The following DCTN4 variants were observed in gnomAD, a reference collection of about 807,000 sequenced individuals.
DCTN4 encodes dynactin 4 (p62).
In DCTN4, 23 loss-of-function variants were observed where a neutral mutation model predicts 62.7. That is an observed-to-expected ratio of 0.37 (90% CI 0.26 to 0.52). DCTN4 has a LOEUF of 0.52. DCTN4 is among the 20% of genes least tolerant of loss of function. The pLI is 0.92. For synonymous variants in DCTN4, 199 were observed against 202.1 expected (o/e 0.98, Z 0.13); for missense variants, 514 against 580.4 (o/e 0.89, Z 1.18).
At chr5:150,735,361 A>T (rs1760538373) in intron 4 of DCTN4, among the ~76,000 whole-genome samples, 1 of 152,212 alleles carries the variant, frequency 6.6e-6, no homozygotes. Context: ...ACCAGCATTA[A>T]AGAAAACTAG....
chr5:150,729,935 A>G (rs1020581870), intron 8 of DCTN4, among the ~76,000 whole-genome samples: 2 of 151,954 alleles, frequency 1.3e-5, no homozygotes, highest in Admixed American at 6.6e-5. Flanking sequence ...GAATCTACGT[A>G]AACTCTATAC....
chr5:150,729,456 C>T (rs1455572239), intron 8 of DCTN4, among the ~76,000 whole-genome samples: 1 of 152,048 alleles, frequency 6.6e-6, no homozygotes, highest in Non-Finnish European at 1.5e-5. Flanking sequence ...TTCATTTATA[C>T]TCTTACCCAT....
At position 150,731,049 on chromosome 5, in the gene DCTN4, G is replaced by C; in HGVS notation, c.719C>G (p.Thr240Arg). 6.4e-7 allele frequency: 1 copy of C among 1,572,586 alleles called. No individual in the cohort carries two copies. Among genetic ancestry groups the C allele is most frequent in the Non-Finnish European group, 8.7e-7 (1 of 1,144,850 alleles). The change falls in exon 7 of 13, where the codon ACA (threonine) becomes AGA (arginine). Residue 240 changes from threonine (T) to arginine (R), a missense_variant. By Grantham distance (71) the Thr-to-Arg change is moderately conservative (BLOSUM62 -1). Coordinates refer to ENST00000447998, the MANE Select transcript of DCTN4 (RefSeq NM_016221.4). Reference sequence around the variant, plus strand: ...AGAAAAACACAGAAAATTACCCTCTGTTAAATTTACTGGTCTTGTATAATA... The same window carrying C: ...AGAAAAACACAGAAAATTACCCTCTCTTAAATTTACTGGTCTTGTATAATA... ...EDYYTRPVNL[T>R]EVTTLQQRLL...
At chr5:150,723,933 A>G (rs1442823662) in intron 8 of DCTN4, among the ~76,000 whole-genome samples, 3 of 152,210 alleles carry the variant, frequency 2.0e-5, no homozygotes, top group South Asian at 4.1e-4. Flanking sequence ...AACAATTTCT[A>G]TAACTTACAT....
At position 150,708,920 on chromosome 5, in the gene DCTN4, A is replaced by G. The variant is rs1411051476; in HGVS notation, c.*2229T>C. On this transcript the variant is annotated 3_prime_UTR_variant, in exon 13 of 13. Transcript: ENST00000447998. ...ATTATGCTGATAAGCACTTCAAACA[A>G]AAGAAAAGGTCAGTAGGTGAATCAA... 6.5e-6 allele frequency: 1 copy of G among 152,814 alleles called. No homozygotes were observed. The highest frequency in any genetic ancestry group is 2.4e-5 in the African/African-American group (1 of 41,462). The allele number at this position is 152,814 out of a possible 1,614,324, so 9.5% of individuals were successfully genotyped here.
intron 4 of DCTN4, chr5:150,734,459 G>A (rs1242870566): frequency 3.3e-5 from 5 of 152,176 alleles, no homozygotes; most frequent in Non-Finnish European, 7.3e-5. Context: ...AAGCAACAGC[G>A]GGAAGAGCCC....
chr5:150,716,018 A>C (rs920817229), intron 11 of DCTN4, among the ~76,000 whole-genome samples: 43 of 151,920 alleles, frequency 2.8e-4, no homozygotes, highest in African/African-American at 1.0e-3. Flanking sequence ...GATTCTCCTG[A>C]CTCAGCCTCA....
chr5:150,722,993 C>T lies in DCTN4; in HGVS notation c.835-13G>A. On this transcript the variant is annotated splice_polypyrimidine_tract_variant and intron_variant, in intron 8 of 12. Coordinates refer to ENST00000447998, the MANE Select transcript of DCTN4 (RefSeq NM_016221.4). Reference sequence around the variant, plus strand: ...TATGTTCACATTTCTAAAAAGAAAACAAATATAACACGTATCAGAAGACAA... The same window carrying T: ...TATGTTCACATTTCTAAAAAGAAAATAAATATAACACGTATCAGAAGACAA... 1 of 1,572,870 alleles carries T rather than the reference C, an allele frequency of 6.4e-7. No homozygotes were observed. The highest frequency in any genetic ancestry group is 8.7e-7 in the Non-Finnish European group (1 of 1,144,836).
rs114190988 is a variant in DCTN4 at position 150,715,488 on chromosome 5, A to G, written c.1169+77T>C. 1,321 of 1,137,224 alleles carry G rather than the reference A, an allele frequency of 1.2e-3. 14 individuals carry two copies. In the African/African-American group the frequency reaches 0.019, roughly 17 times the overall value. 70.4% of individuals were successfully genotyped at this position (1,137,224 alleles called of 1,614,324 possible). ...AGAAAAAAGTTATTTTAAAAAATCC[A>G]GACAAGAAAACTGGATATAAGTGGG... On this transcript the variant is annotated intron_variant, in intron 12 of 12. Coordinates refer to ENST00000447998, the MANE Select transcript of DCTN4 (RefSeq NM_016221.4).
In DCTN4 at chr5:150,709,046, A is replaced by C. The variant is rs542317316; in HGVS notation, c.*2103T>G. The stretch of plus-strand genomic sequence containing the variant: ...TGGTGGTGCATACTGACTAGCATTA[A>C]AATTTTTGCACCTCATCTAATATAA... On this transcript the variant is annotated 3_prime_UTR_variant, in exon 13 of 13. Transcript: ENST00000447998. 1.3e-4 allele frequency: 20 copies of C among 152,908 alleles called. No individual in the cohort carries two copies. In the East Asian group the frequency reaches 2.6e-3, roughly 20 times the overall value. 9.5% of individuals were successfully genotyped at this position (152,908 alleles called of 1,614,324 possible). A position where few individuals can be genotyped will look rare whatever the true frequency, so the allele number is the denominator to read the frequency against.
At chr5:150,732,834 C>T (rs1760434938) in intron 5 of DCTN4, among the ~76,000 whole-genome samples, 2 of 152,184 alleles carry the variant, frequency 1.3e-5, no homozygotes, top group African/African-American at 4.8e-5. Flanking sequence ...GAATGACTCT[C>T]ATAAATAATT....
At chr5:150,753,338 T>TATGGGAAC in intron 3 of DCTN4, 141 bp downstream of exon 3, 1 of 661,868 alleles carries the variant, frequency 1.5e-6, no homozygotes, top group Non-Finnish European at 2.5e-6. Flanking sequence ...AATGTGAACA[T>TATGGGAAC]ATGGGAACAC....
At position 150,748,600 on chromosome 5, in the gene DCTN4, T is replaced by C. The variant is rs1488119714; in HGVS notation, c.385+4879A>G. Among the ~76,000 whole-genome samples the C allele has an allele frequency of 7.2e-4, 108 of 150,714 alleles. No homozygotes were observed. The East Asian group carries it at 0.02, about 28-fold the overall frequency. ...GGCACATATACACCATGGAATACTA[T>C]GCAGCCACAAAAAATGATGAGTTCA... On this transcript the variant is annotated intron_variant, in intron 3 of 12. Coordinates refer to ENST00000447998, the MANE Select transcript of DCTN4 (RefSeq NM_016221.4).
At chr5:150,721,902 G>A (rs993233821) in intron 9 of DCTN4, among the ~76,000 whole-genome samples, 1 of 152,150 alleles carries the variant, frequency 6.6e-6, no homozygotes, top group Non-Finnish European at 1.5e-5. Context: ...ATAGCTTACT[G>A]CAGCCTTGAC....
intron 12 of DCTN4, among the ~76,000 whole-genome samples, chr5:150,711,930 C>T (rs1001618332): frequency 3.3e-5 from 5 of 152,058 alleles, no homozygotes; most frequent in South Asian, 2.1e-4. Context: ...CACCTTTTGA[C>T]GCTGGTATAT....
intron 8 of DCTN4, among the ~76,000 whole-genome samples, chr5:150,728,585 A>G (rs142896516): frequency 7.2e-5 from 11 of 152,310 alleles, no homozygotes; most frequent in Non-Finnish European, 1.3e-4. Flanking sequence ...TTCAGTGCAC[A>G]TGACTTTAGA....
intron 4 of DCTN4, among the ~76,000 whole-genome samples, chr5:150,738,730 T>C (rs549304857): frequency 6.6e-6 from 1 of 152,276 alleles, no homozygotes; most frequent in East Asian, 1.9e-4. Flanking sequence ...TTACCACTTC[T>C]ATTCAACACA....
intron 3 of DCTN4, among the ~76,000 whole-genome samples, chr5:150,745,926 A>G (rs1020870398): frequency 3.9e-5 from 6 of 152,084 alleles, no homozygotes; most frequent in African/African-American, 1.5e-4. Flanking sequence ...GCAAAAGGCA[A>G]GAAATAACTA....
chr5:150,713,828 G>A (rs925569872), intron 12 of DCTN4, among the ~76,000 whole-genome samples: 16 of 151,706 alleles, frequency 1.1e-4, no homozygotes, highest in African/African-American at 1.7e-4. Context: ...TCAAAAAACC[G>A]TAAATGGGCC....
Sources: gnomAD v4.1 joint callset for allele counts (sites outside exome capture counted in the v4.1 genomes callset) on GRCh38, gnomAD v4.1.1 for gene constraint, MANE v1.5 for transcripts, NCBI Gene and HGNC (gene_info 2026-07-23, HGNC 2026-07-21) for gene names.